GALNT7: variants seen among roughly 807,000 people sequenced by gnomAD.
The protein encoded by GALNT7 is N-acetylgalactosaminyltransferase 7.
Under a neutral mutation model 82.1 loss-of-function variants are expected in GALNT7, and 60 were observed. The observed-to-expected ratio is 0.73, with a 90% CI of 0.59 to 0.91. GALNT7 has a LOEUF of 0.91. Among genes scored for constraint, GALNT7 ranks in the 40% least tolerant of loss-of-function variants. GALNT7 has a pLI of 0.00. For missense variants in GALNT7, 660 were observed against 804.2 expected (o/e 0.82, Z 2.17); for synonymous variants, 243 against 275.1 (o/e 0.88, Z 1.15).
At chr4:173,206,584 A>G (rs1350590842) in intron 1 of GALNT7, among the ~76,000 whole-genome samples, 1 of 152,244 alleles carries the variant, frequency 6.6e-6, no homozygotes, top group Non-Finnish European at 1.5e-5. Flanking sequence ...GTCTTTGTGA[A>G]TTCAGAGGTT....
rs1735585208 is a variant in GALNT7, at chr4:173,268,399, G to A, written c.587+19959G>A. ...CACAGCACAGCATCTTTGTGCTTAGGATACCAGGTAGCACACTGACATTAT... is the reference window on the plus strand; with the variant it reads ...CACAGCACAGCATCTTTGTGCTTAGAATACCAGGTAGCACACTGACATTAT... On this transcript the variant is annotated intron_variant, in intron 2 of 11. Transcript: ENST00000265000. 2.6e-5 allele frequency among the ~76,000 whole-genome samples: 4 copies of A among 151,872 alleles called. No homozygotes were observed. The South Asian group carries it at 8.3e-4, about 32-fold the overall frequency.
At chr4:173,228,691 A>G (rs1448496409) in intron 1 of GALNT7, among the ~76,000 whole-genome samples, 2 of 152,022 alleles carry the variant, frequency 1.3e-5, no homozygotes, top group Admixed American at 1.3e-4. Context: ...TACAAAAAAA[A>G]CTCTACCAAC....
chr4:173,181,536 A>T (rs935994826), intron 1 of GALNT7, among the ~76,000 whole-genome samples: 1 of 152,230 alleles, frequency 6.6e-6, no homozygotes, highest in Non-Finnish European at 1.5e-5. Context: ...TCTGTATGAA[A>T]TTAAGATAAC....
chr4:173,216,178 A>G (rs114429715), intron 1 of GALNT7, among the ~76,000 whole-genome samples: 15 of 152,336 alleles, frequency 9.8e-5, no homozygotes, highest in Non-Finnish European at 2.2e-4. Context: ...TTATGATTCT[A>G]TATGATATTT....
intron 1 of GALNT7, among the ~76,000 whole-genome samples, chr4:173,215,852 G>A (rs1414671495): frequency 2.6e-5 from 4 of 152,176 alleles, no homozygotes. Flanking sequence ...GTTCACGCCC[G>A]TAATCCCAGC....
chr4:173,272,389 C>T (rs1735760392), intron 2 of GALNT7, among the ~76,000 whole-genome samples: 1 of 152,144 alleles, frequency 6.6e-6, no homozygotes, highest in South Asian at 2.1e-4. Context: ...GGTTCCCTGC[C>T]AGATTTTAAG....
At chr4:173,180,209 A>AATT (rs1201081528) in intron 1 of GALNT7, among the ~76,000 whole-genome samples, 2 of 152,218 alleles carry the variant, frequency 1.3e-5, no homozygotes, top group East Asian at 3.9e-4. Context: ...ACGTTAAGTC[A>AATT]ATTAAGTTTT....
At chr4:173,249,158 A>T (rs1287623042) in intron 2 of GALNT7, among the ~76,000 whole-genome samples, 1 of 152,198 alleles carries the variant, frequency 6.6e-6, no homozygotes, top group African/African-American at 2.4e-5. Flanking sequence ...CTACTATAGG[A>T]TCTACATAGC....
chr4:173,303,951 T>G (rs1737052019), intron 7 of GALNT7, 45 bp from the exon 8 acceptor site: 8 of 1,543,986 alleles, frequency 5.2e-6, no homozygotes, highest in Non-Finnish European at 4.4e-6. Flanking sequence ...TTATGGTTTA[T>G]GTTTGTATTT....
intron 2 of GALNT7, among the ~76,000 whole-genome samples, chr4:173,270,634 A>G (rs1735688654): frequency 6.6e-6 from 1 of 152,196 alleles, no homozygotes; most frequent in Non-Finnish European, 1.5e-5. Context: ...TCCACATGAA[A>G]TGCTTTAAAG....
intron 8 of GALNT7, among the ~76,000 whole-genome samples, chr4:173,312,004 A>G (rs1302881126): frequency 6.6e-6 from 1 of 152,190 alleles, no homozygotes; most frequent in Non-Finnish European, 1.5e-5. Flanking sequence ...CTTTTTAGTA[A>G]ATCAAGTTGT....
chr4:173,272,706 C>G (rs139085104), intron 2 of GALNT7, among the ~76,000 whole-genome samples: 1 of 152,168 alleles, frequency 6.6e-6, no homozygotes, highest in Admixed American at 6.5e-5. Flanking sequence ...TCCTTTACAA[C>G]GTTTTTAAAC....
At chr4:173,267,815 A>G (rs1237789119) in intron 2 of GALNT7, among the ~76,000 whole-genome samples, 1 of 152,184 alleles carries the variant, frequency 6.6e-6, no homozygotes, top group Non-Finnish European at 1.5e-5. Flanking sequence ...CAAATGTGCT[A>G]AAGGACATAA....
chr4:173,233,272 G>A (rs527313994), intron 1 of GALNT7, among the ~76,000 whole-genome samples: 1 of 152,292 alleles, frequency 6.6e-6, no homozygotes, highest in South Asian at 2.1e-4. Flanking sequence ...TGGGTGGGTT[G>A]TATGGTAGTT....
intron 9 of GALNT7, among the ~76,000 whole-genome samples, chr4:173,315,124 C>A (rs1737543674): frequency 6.6e-6 from 1 of 152,188 alleles, no homozygotes; most frequent in Non-Finnish European, 1.5e-5. Flanking sequence ...CATTCGCTCT[C>A]AGATCTGAAT....
At chr4:173,286,426 A>G (rs545620719) in intron 2 of GALNT7, among the ~76,000 whole-genome samples, 8 of 152,326 alleles carry the variant, frequency 5.3e-5, no homozygotes, top group African/African-American at 1.2e-4. Flanking sequence ...GTTGTTTCCC[A>G]TGGGTAACCC....
chr4:173,210,624 G>A (rs1733249156), intron 1 of GALNT7, among the ~76,000 whole-genome samples: 1 of 151,802 alleles, frequency 6.6e-6, no homozygotes, highest in East Asian at 1.9e-4. Flanking sequence ...GTAGACACGG[G>A]GTTTCACCAC....
chr4:173,242,006 A>G (rs1734451317), intron 1 of GALNT7, among the ~76,000 whole-genome samples: 1 of 152,184 alleles, frequency 6.6e-6, no homozygotes, highest in East Asian at 1.9e-4. Context: ...CAAGAGTCCC[A>G]GTGTTTCAAT....
chr4:173,290,956 G>C (rs776130886), intron 2 of GALNT7, among the ~76,000 whole-genome samples: 1 of 152,112 alleles, frequency 6.6e-6, no homozygotes, highest in Non-Finnish European at 1.5e-5. Context: ...ACCACCTTCT[G>C]TCACCTTCAC....
Sources: allele counts gnomAD v4.1 joint callset (sites outside exome capture counted in the v4.1 genomes callset), GRCh38; gene constraint gnomAD v4.1.1; transcripts MANE v1.5; gene names NCBI Gene and HGNC (gene_info 2026-07-23, HGNC 2026-07-21).